DAPL1: variants seen among roughly 807,000 people sequenced by gnomAD.
The protein encoded by DAPL1 is death-associated protein-like 1.
Under a neutral mutation model 12.9 loss-of-function variants are expected in DAPL1, and 17 were observed. That is an observed-to-expected ratio of 1.32 (90% CI 0.90 to 1.98). The LOEUF is 1.98. DAPL1 is among the 30% of genes most tolerant of loss of function. The probability of loss-of-function intolerance (pLI) is 0.00; values close to 1 mark genes in which losing one functional copy is unlikely to be tolerated. For synonymous variants in DAPL1, 51 were observed against 42.0 expected (o/e 1.21, Z -0.82); for missense variants, 157 against 125.7 (o/e 1.25, Z -1.19).
At chr2:158,811,958 A>G (rs1293011076) in intron 3 of DAPL1, among the ~76,000 whole-genome samples, 2 of 152,184 alleles carry the variant, frequency 1.3e-5, no homozygotes, top group African/African-American at 4.8e-5. Context: ...ACCACAAAGA[A>G]TTAGTACATT....
At chr2:158,804,511 T>G in intron 2 of DAPL1, 142 bp downstream of exon 2, 3 of 539,272 alleles carry the variant, frequency 5.6e-6, no homozygotes, top group South Asian at 2.6e-5. Context: ...GCGTGATCCG[T>G]GGTGACTTAG....
intron 1 of DAPL1, 39 bp from the exon 2 acceptor site, chr2:158,804,243 A>G: frequency 7.1e-7 from 1 of 1,404,366 alleles, no homozygotes; most frequent in East Asian, 2.3e-5. Flanking sequence ...GCCTTCTCTC[A>G]CTGTTCTAAC....
intron 3 of DAPL1, among the ~76,000 whole-genome samples, chr2:158,809,390 A>G (rs923478995): frequency 4.2e-5 from 6 of 141,790 alleles, no homozygotes; most frequent in Non-Finnish European, 7.6e-5. Flanking sequence ...AACAGAAACT[A>G]TACCTATTTT....
intron 1 of DAPL1, among the ~76,000 whole-genome samples, chr2:158,798,992 T>C (rs1355025022): frequency 6.6e-6 from 1 of 152,114 alleles, no homozygotes; most frequent in Non-Finnish European, 1.5e-5. Context: ...CCAAAAACTG[T>C]GAAAAAGATT....
chr2:158,806,030 C>T (rs1035058493), intron 2 of DAPL1, among the ~76,000 whole-genome samples: 1 of 148,300 alleles, frequency 6.7e-6, no homozygotes, highest in Non-Finnish European at 1.5e-5. Context: ...ATCATTAGCT[C>T]CACATATATC....
chr2:158,813,000 T>A (rs531764661), intron 3 of DAPL1, among the ~76,000 whole-genome samples: 1 of 146,432 alleles, frequency 6.8e-6, no homozygotes, highest in African/African-American at 2.5e-5. Flanking sequence ...AATGGATGAA[T>A]GGATAGAAAA....
At chr2:158,803,008 G>A (rs139003361) in intron 1 of DAPL1, among the ~76,000 whole-genome samples, 1 of 152,194 alleles carries the variant, frequency 6.6e-6, no homozygotes, top group South Asian at 2.1e-4. Flanking sequence ...ATGATATATA[G>A]AGATATAGAT....
intron 1 of DAPL1, among the ~76,000 whole-genome samples, chr2:158,796,410 A>G (rs1382299270): frequency 6.6e-6 from 1 of 152,202 alleles, no homozygotes; most frequent in Non-Finnish European, 1.5e-5. Context: ...AGCCTGGCCA[A>G]AAAGAGTCCA....
chr2:158,797,769 C>T (rs911035110), intron 1 of DAPL1, among the ~76,000 whole-genome samples: 1 of 150,562 alleles, frequency 6.6e-6, no homozygotes, highest in Non-Finnish European at 1.5e-5. Flanking sequence ...CCAGCCTGGG[C>T]AACAAGAGTG....
In DAPL1 at chr2:158,815,938, T is replaced by C. The variant is rs987976207; in HGVS notation, c.*117T>C. 1.4e-6 allele frequency: 1 copy of C among 715,876 alleles called. No homozygotes were observed. The highest frequency in any genetic ancestry group is 2.5e-6 in the Non-Finnish European group (1 of 401,298). The allele number at this position is 715,876 out of a possible 1,614,324, so 44.3% of individuals were successfully genotyped here. A position where few individuals can be genotyped will look rare whatever the true frequency, so the allele number is the denominator to read the frequency against. On this transcript the variant is annotated 3_prime_UTR_variant, in exon 4 of 4. Transcript: ENST00000309950. The stretch of plus-strand genomic sequence containing the variant: ...CTTGCTTGGTAAATTAAGCAGCTTT[T>C]GTATCTTCCCCTTTGACTTTAGGTA...
rs72995149 is a variant in DAPL1, at chr2:158,798,370, A to G, written c.58+2940A>G. 7.7e-3 allele frequency among the ~76,000 whole-genome samples: 1,179 copies of G among 152,350 alleles called. 13 individuals are homozygous for G. The highest frequency in any genetic ancestry group is 0.027 in the African/African-American group (1,127 of 41,578). ...CACACTCCAAAGGCTTGAATCTCTC[A>G]ATTCCATCTGCTCAAGTCAACTTGG... On this transcript the variant is annotated intron_variant, in intron 1 of 3. Transcript: ENST00000309950.
intron 3 of DAPL1, among the ~76,000 whole-genome samples, chr2:158,812,345 T>C (rs1359937894): frequency 6.6e-6 from 1 of 152,242 alleles, no homozygotes; most frequent in African/African-American, 2.4e-5. Context: ...GTGGCATTCC[T>C]CTTCTGAGAA....
chr2:158,810,785 A>C (rs908403), intron 3 of DAPL1, among the ~76,000 whole-genome samples: 1 of 152,032 alleles, frequency 6.6e-6, no homozygotes, highest in African/African-American at 2.4e-5. Flanking sequence ...GCAGAACACA[A>C]GACATGGTAT....
At chr2:158,797,043 A>G (rs1176582152) in intron 1 of DAPL1, among the ~76,000 whole-genome samples, 3 of 152,226 alleles carry the variant, frequency 2.0e-5, no homozygotes, top group Non-Finnish European at 4.4e-5. Context: ...AATTTTATTT[A>G]TGGAACAAAA....
intron 2 of DAPL1, among the ~76,000 whole-genome samples, chr2:158,806,690 A>G (rs9288723): frequency 0.63 from 95,379 of 151,550 alleles, 30,495 homozygotes; most frequent in East Asian, 0.84. Flanking sequence ...CAAAAAATTA[A>G]CCAGGCATGG....
Position 158,798,852 on chromosome 2 carries a change from T to A in DAPL1, c.58+3422T>A, listed in dbSNP as rs574211266. 2.6e-5 allele frequency among the ~76,000 whole-genome samples: 4 copies of A among 152,264 alleles called. No individual in the cohort carries two copies. In the South Asian group the frequency reaches 8.3e-4, roughly 32 times the overall value. On this transcript the variant is annotated intron_variant, in intron 1 of 3. Coordinates refer to ENST00000309950, the MANE Select transcript of DAPL1 (RefSeq NM_001017920.3). ...TTTTCATTAAACCTTCAAATAGATGTTCTCATTCACAAGGCAGAGTTTGCA... is the reference window on the plus strand; with the variant it reads ...TTTTCATTAAACCTTCAAATAGATGATCTCATTCACAAGGCAGAGTTTGCA...
Position 158,800,839 on chromosome 2 carries a change from G to A in DAPL1, c.59-3443G>A, listed in dbSNP as rs867424758. On this transcript the variant is annotated intron_variant, in intron 1 of 3. Coordinates refer to ENST00000309950, the MANE Select transcript of DAPL1 (RefSeq NM_001017920.3). The stretch of plus-strand genomic sequence containing the variant: ...GTGGTACAGAACTCAGCATTCCAAA[G>A]ATCTTCTTTTCTTTTTTTTAGACAG... Among the ~76,000 whole-genome samples, 3 of 152,152 alleles carry A rather than the reference G, an allele frequency of 2.0e-5. No homozygotes were observed. In the South Asian group the frequency reaches 6.2e-4, roughly 32 times the overall value.
At chr2:158,815,561 T>C in intron 3 of DAPL1, 144 bp from the exon 4 acceptor site, 1 of 669,412 alleles carries the variant, frequency 1.5e-6, no homozygotes, top group East Asian at 2.6e-5. Context: ...GGGCTAGAAA[T>C]AGTATGGAAA....
intron 3 of DAPL1, among the ~76,000 whole-genome samples, chr2:158,813,700 C>A (rs1311183629): frequency 6.6e-6 from 1 of 151,894 alleles, no homozygotes. Flanking sequence ...GGACTACAGT[C>A]GCTCGCCACC....
Sources: allele counts gnomAD v4.1 joint callset (sites outside exome capture counted in the v4.1 genomes callset), GRCh38; gene constraint gnomAD v4.1.1; transcripts MANE v1.5; gene names NCBI Gene and HGNC (gene_info 2026-07-23, HGNC 2026-07-21).